The following EHHADH variants were observed in gnomAD, a reference collection of about 807,000 sequenced individuals.
EHHADH encodes enoyl-CoA hydratase and 3-hydroxyacyl CoA dehydrogenase, also known as peroxisomal bifunctional enzyme.
In EHHADH, 48 loss-of-function variants were observed where a neutral mutation model predicts 64.4. That is an observed-to-expected ratio of 0.75 (90% CI 0.59 to 0.95). EHHADH has a LOEUF of 0.95. Ranked by LOEUF, EHHADH falls within the 40% of genes least tolerant of loss-of-function variation. The probability of loss-of-function intolerance (pLI) is 0.00; values close to 1 mark genes in which losing one functional copy is unlikely to be tolerated. For missense variants in EHHADH, 854 were observed against 876.6 expected (o/e 0.97, Z 0.33); for synonymous variants, 308 against 326.7 (o/e 0.94, Z 0.62).
intron 1 of EHHADH, 138 bp downstream of exon 1, chr3:185,253,811 G>A: frequency 7.5e-7 from 1 of 1,333,490 alleles, no homozygotes; most frequent in Non-Finnish European, 9.7e-7. Flanking sequence ...GAAAAAAAAA[G>A]TTCCTGGCAT....
intron 2 of EHHADH, among the ~76,000 whole-genome samples, chr3:185,241,431 GT>G (rs966753459): frequency 6.6e-6 from 1 of 152,176 alleles, no homozygotes; most frequent in African/African-American, 2.4e-5. Context: ...ATGTACAAGT[GT>G]TTCCTTTTCA....
intron 4 of EHHADH, among the ~76,000 whole-genome samples, chr3:185,225,777 C>A: frequency 6.6e-6 from 1 of 152,146 alleles, no homozygotes; most frequent in Admixed American, 6.5e-5. Context: ...CAAGCATGTC[C>A]CTGCCTCAGG....
intron 2 of EHHADH, among the ~76,000 whole-genome samples, chr3:185,245,245 A>G (rs1338927068): frequency 6.6e-6 from 1 of 152,218 alleles, no homozygotes; most frequent in African/African-American, 2.4e-5. Context: ...TCTTTACCCC[A>G]TATCATGTTT....
At position 185,192,044 on chromosome 3, in the gene EHHADH, A is replaced by G. The variant is rs1247898215; in HGVS notation, c.*182T>C. 3.0e-6 allele frequency: 2 copies of G among 668,234 alleles called. No individual in the cohort carries two copies. Among genetic ancestry groups the G allele is most frequent in the Non-Finnish European group, 5.0e-6 (2 of 401,354 alleles). The allele number at this position is 668,234 out of a possible 1,614,324, so 41.4% of individuals were successfully genotyped here. A position where few individuals can be genotyped will look rare whatever the true frequency, so the allele number is the denominator to read the frequency against. On this transcript the variant is annotated 3_prime_UTR_variant, in exon 7 of 7. Transcript: ENST00000231887. ...ATTTATCTGATAAGGACAGATTCAG[A>G]GGCATAGGAAGCACATTCCTAAAGA...
Position 185,192,968 on chromosome 3 carries a change from A to C in EHHADH, c.1430T>G (p.Phe477Cys). Residue 477 changes from phenylalanine to cysteine, a missense_variant, in exon 7 of 7, where the codon TTT becomes TGT. Transcript: ENST00000231887. The part of the protein sequence containing the change: ...KKIGVVVGNC[F>C]GFVGNRMLNP... ...CAACATTCGATTCCCCACAAATCCAAAACAGTTGCCTACAACGACTCCAAT... is the reference window on the plus strand; with the variant it reads ...CAACATTCGATTCCCCACAAATCCACAACAGTTGCCTACAACGACTCCAAT... 1 of 1,614,226 alleles carries C rather than the reference A, an allele frequency of 6.2e-7. No homozygotes were observed. The highest frequency in any genetic ancestry group is 8.5e-7 in the Non-Finnish European group (1 of 1,180,034).
chr3:185,196,455 C>T (rs1180388798), intron 6 of EHHADH, among the ~76,000 whole-genome samples: 1 of 152,116 alleles, frequency 6.6e-6, no homozygotes, highest in African/African-American at 2.4e-5. Flanking sequence ...GCCTGACCAA[C>T]ATGGTGAAGC....
Position 185,212,672 on chromosome 3 carries a change from T to TG in EHHADH, c.568+5463_568+5464insC, listed in dbSNP as rs1718573752. On this transcript the variant is annotated intron_variant, in intron 5 of 6. Transcript: ENST00000231887. ...AAAGGGAATACAAAAATTCAACATG[T>TG]ATTTTTTTAAGACAGAGACAGACTT... Among the ~76,000 whole-genome samples the TG allele has an allele frequency of 8.6e-5, 7 of 81,230 alleles. No homozygotes were observed. The South Asian group carries it at 2.2e-3, about 25-fold the overall frequency. 53.3% of individuals were successfully genotyped at this position (81,230 alleles called of 152,430 possible). A position where few individuals can be genotyped will look rare whatever the true frequency, so the allele number is the denominator to read the frequency against.
intron 2 of EHHADH, among the ~76,000 whole-genome samples, chr3:185,244,813 T>C (rs550234458): frequency 3.3e-4 from 51 of 152,302 alleles, no homozygotes; most frequent in Admixed American, 2.4e-3. Context: ...CCTGCTGATA[T>C]CTTGATTACA....
intron 5 of EHHADH, among the ~76,000 whole-genome samples, chr3:185,217,312 C>T (rs945213818): frequency 6.6e-6 from 1 of 151,902 alleles, no homozygotes; most frequent in South Asian, 2.1e-4. Context: ...TTTGGGAGGT[C>T]GAGGCAGGCA....
At chr3:185,229,570 C>T in intron 3 of EHHADH, 27 bp from the exon 4 acceptor site, 1 of 1,401,974 alleles carries the variant, frequency 7.1e-7, no homozygotes, top group Non-Finnish European at 9.7e-7. Flanking sequence ...GCATAAAGGC[C>T]ATTAGCATGA....
At chr3:185,233,944 A>G (rs1719212616) in intron 3 of EHHADH, among the ~76,000 whole-genome samples, 1 of 152,064 alleles carries the variant, frequency 6.6e-6, no homozygotes, top group South Asian at 2.1e-4. Flanking sequence ...ATGCCCAGCC[A>G]ATGTACTTTT....
chr3:185,208,279 C>A (rs1239745004), intron 5 of EHHADH, among the ~76,000 whole-genome samples: 1 of 152,188 alleles, frequency 6.6e-6, no homozygotes, highest in Admixed American at 6.5e-5. Context: ...TACCAACAAC[C>A]GCTTGAGTGA....
chr3:185,224,932 C>T (rs187121583), intron 4 of EHHADH, among the ~76,000 whole-genome samples: 37 of 152,216 alleles, frequency 2.4e-4, no homozygotes, highest in African/African-American at 7.2e-4. Flanking sequence ...TGTAATCACA[C>T]GTACAAAGGT....
rs1301653569 is a variant in EHHADH at position 185,218,220 on chromosome 3, C to T, written c.484G>A (p.Glu162Lys). Reference protein sequence around the residue: ...ITSGRRILADEALKLGILDKV... With the variant: ...ITSGRRILADKALKLGILDKV... ...TCTAGAATGCCCAGCTTGAGTGCTT[C>T]ATCTGCTAAAATACGTCTTCCTGAA... The change falls in exon 5 of 7, where the codon GAA (glutamate) becomes AAA (lysine). Residue 162 changes from glutamate (E) to lysine (K), a missense_variant. Glu to Lys is a moderately conservative substitution (Grantham distance 56). Coordinates refer to ENST00000231887, the MANE Select transcript of EHHADH (RefSeq NM_001966.4). 6.2e-7 allele frequency: 1 copy of T among 1,605,332 alleles called. No homozygotes were observed. Among genetic ancestry groups the T allele is most frequent in the East Asian group, 2.2e-5 (1 of 44,500 alleles).
intron 4 of EHHADH, among the ~76,000 whole-genome samples, chr3:185,226,091 G>T (rs538106241): frequency 2.0e-3 from 311 of 152,256 alleles, no homozygotes; most frequent in African/African-American, 7.4e-3. Context: ...GTGACCCCCA[G>T]CAAGTCTAAC....
intron 4 of EHHADH, among the ~76,000 whole-genome samples, chr3:185,228,257 A>AAAAATATATATAT (rs1367786172): frequency 1.3e-3 from 28 of 21,994 alleles, no homozygotes; most frequent in East Asian, 5.5e-3. Context: ...AAAAAAAAAA[A>AAAAATATATATAT]ATATATATAT....
rs749328305 is a variant in EHHADH, at chr3:185,204,590, C to T, written c.736G>A (p.Glu246Lys). 1.9e-6 allele frequency: 3 copies of T among 1,614,120 alleles called. No homozygotes were observed. ...AVQAAVQYPY[E>K]VGIKKEEELF... ...TCCTCCTCCTTCTTGATGCCCACTTCATAGGGATACTGCACAGCAGCCTGG... is the reference window on the plus strand; with the variant it reads ...TCCTCCTCCTTCTTGATGCCCACTTTATAGGGATACTGCACAGCAGCCTGG... The change falls in exon 6 of 7, where the codon GAA becomes AAA. Residue 246 changes from glutamate to lysine, a missense_variant. Coordinates refer to ENST00000231887, the MANE Select transcript of EHHADH (RefSeq NM_001966.4).
rs1020386622 is a variant in EHHADH at position 185,216,939 on chromosome 3, C to A, written c.568+1197G>T. On this transcript the variant is annotated intron_variant, in intron 5 of 6. Transcript: ENST00000231887. The surrounding 1 kb of genome is among the most constrained non-coding windows in gnomAD (Gnocchi z 5.3). ...ACAAACAAAAAAACCTCTGTGAGTG[C>A]CACTGAAAGAACTCTGAAAGGAACA... Among the ~76,000 whole-genome samples the A allele has an allele frequency of 3.3e-5, 5 of 152,260 alleles. No individual in the cohort carries two copies. The highest frequency in any genetic ancestry group is 9.6e-5 in the African/African-American group (4 of 41,550).
intron 5 of EHHADH, among the ~76,000 whole-genome samples, chr3:185,205,473 G>GTA (rs1263571803): frequency 2.0e-5 from 3 of 152,114 alleles, no homozygotes; most frequent in African/African-American, 7.2e-5. Flanking sequence ...GCAAGGATAG[G>GTA]TATATATATC....
Sources: allele counts gnomAD v4.1 joint callset (sites outside exome capture counted in the v4.1 genomes callset), GRCh38; gene constraint gnomAD v4.1.1; non-coding constraint Gnocchi (gnomAD v3.1); transcripts MANE v1.5; gene names NCBI Gene and HGNC (gene_info 2026-07-23, HGNC 2026-07-21).